The following RIMS2 variants were observed in gnomAD, a reference collection of about 807,000 sequenced individuals.
RIMS2 encodes regulating synaptic membrane exocytosis protein 2.
A neutral mutation model predicts 174.4 loss-of-function variants in RIMS2; 59 were observed. The ratio of observed to expected loss-of-function variants is 0.34; its 90% CI spans 0.27 to 0.42. RIMS2 has a LOEUF of 0.42. Ranked by LOEUF, RIMS2 falls within the 10% of genes least tolerant of loss-of-function variation. The probability of loss-of-function intolerance (pLI) is 1.00; values close to 1 mark genes in which losing one functional copy is unlikely to be tolerated. For missense variants in RIMS2, 1,620 were observed against 1,666.3 expected, an observed-to-expected ratio of 0.97 and a Z score of 0.48; for synonymous variants, 606 against 572.5, an observed-to-expected ratio of 1.06 and a Z score of -0.84.
At chr8:104,032,725 ATAATGT>A (rs1365880458) in intron 19 of RIMS2, among the ~76,000 whole-genome samples, 2 of 152,044 alleles carry the variant, frequency 1.3e-5, no homozygotes, top group Non-Finnish European at 1.5e-5. Flanking sequence ...GTCTGTAGTA[ATAATGT>A]TAAAGTATTT....
At chr8:103,973,372 T>C (rs2093099897) in intron 15 of RIMS2, among the ~76,000 whole-genome samples, 2 of 152,136 alleles carry the variant, frequency 1.3e-5, no homozygotes, top group African/African-American at 4.8e-5. Context: ...AATCATGGAC[T>C]AAAAACAGCA....
At chr8:103,643,794 G>C (rs1456534300) in intron 1 of RIMS2, among the ~76,000 whole-genome samples, 2 of 151,816 alleles carry the variant, frequency 1.3e-5, no homozygotes, top group East Asian at 3.9e-4. Context: ...TTAGGCCTCA[G>C]TCTGTCAATG....
chr8:103,687,996 T>C (rs1424250420), intron 1 of RIMS2, among the ~76,000 whole-genome samples: 1 of 152,180 alleles, frequency 6.6e-6, no homozygotes, highest in Non-Finnish European at 1.5e-5. Context: ...CTCTTCAACA[T>C]ACTGGAGTCT....
chr8:103,680,254 G>GATTGATA (rs1236825382), intron 1 of RIMS2, among the ~76,000 whole-genome samples: 1 of 152,038 alleles, frequency 6.6e-6, no homozygotes, highest in Non-Finnish European at 1.5e-5. Flanking sequence ...GTATATGATA[G>GATTGATA]ATTGATATCA....
At chr8:103,591,838 C>T (rs1482143050) in intron 1 of RIMS2, among the ~76,000 whole-genome samples, 1 of 151,130 alleles carries the variant, frequency 6.6e-6, no homozygotes, top group African/African-American at 2.4e-5. Context: ...GTTTAAACCT[C>T]TTACCTTTTT....
intron 1 of RIMS2, among the ~76,000 whole-genome samples, chr8:103,506,163 A>T (rs898961079): frequency 3.9e-5 from 6 of 152,136 alleles, no homozygotes; most frequent in African/African-American, 1.4e-4. Flanking sequence ...AAGGATTCAA[A>T]ATGCATTCTA....
intron 10 of RIMS2, among the ~76,000 whole-genome samples, chr8:103,923,321 T>C (rs996110234): frequency 6.6e-6 from 1 of 151,636 alleles, no homozygotes; most frequent in Non-Finnish European, 1.5e-5. Context: ...ATAGTTTGCT[T>C]GAGTTGGTAA....
At chr8:103,979,792 G>T (rs2093740276) in intron 16 of RIMS2, among the ~76,000 whole-genome samples, 1 of 152,198 alleles carries the variant, frequency 6.6e-6, no homozygotes, top group Non-Finnish European at 1.5e-5. Flanking sequence ...AGAGCGCAGT[G>T]ACTGGGGAAC....
At chr8:104,104,199 G>C (rs976596240) in intron 19 of RIMS2, among the ~76,000 whole-genome samples, 4 of 152,134 alleles carry the variant, frequency 2.6e-5, no homozygotes, top group Admixed American at 6.6e-5. Context: ...AGTTGAGTTG[G>C]GGGTTTGAAG....
intron 19 of RIMS2, among the ~76,000 whole-genome samples, chr8:104,104,006 T>C (rs1484785945): frequency 2.6e-5 from 4 of 151,850 alleles, no homozygotes; most frequent in African/African-American, 7.3e-5. Context: ...CCTACTAGAG[T>C]AAGAACCTGA....
chr8:103,820,235 C>T (rs980940390), intron 3 of RIMS2, among the ~76,000 whole-genome samples: 1 of 152,014 alleles, frequency 6.6e-6, no homozygotes, highest in Non-Finnish European at 1.5e-5. Flanking sequence ...ATGAACATAT[C>T]TCTCAGATGG....
chr8:103,560,991 A>C (rs10102523), intron 1 of RIMS2, among the ~76,000 whole-genome samples: 27,694 of 152,074 alleles, frequency 0.18, 2,765 homozygotes, highest in African/African-American at 0.26. Context: ...ATTTGTAAGC[A>C]TTTTTTAGAG....
At chr8:104,007,766 T>C (rs752690477) in intron 17 of RIMS2, among the ~76,000 whole-genome samples, 1 of 152,158 alleles carries the variant, frequency 6.6e-6, no homozygotes, top group Non-Finnish European at 1.5e-5. Flanking sequence ...ATATGATCAG[T>C]AATGACTGAG....
At chr8:104,055,412 A>G (rs1356557335) in intron 19 of RIMS2, among the ~76,000 whole-genome samples, 1 of 152,172 alleles carries the variant, frequency 6.6e-6, no homozygotes, top group Non-Finnish European at 1.5e-5. Context: ...TAATGTGGGT[A>G]TTTAGCAATC....
At chr8:103,654,859 G>A (rs2096505207) in intron 1 of RIMS2, among the ~76,000 whole-genome samples, 1 of 151,784 alleles carries the variant, frequency 6.6e-6, no homozygotes, top group African/African-American at 2.4e-5. Context: ...CATATTTTGT[G>A]CAAATACTTT....
At chr8:103,544,056 A>T (rs535836677) in intron 1 of RIMS2, among the ~76,000 whole-genome samples, 42 of 147,164 alleles carry the variant, frequency 2.9e-4, no homozygotes, top group Admixed American at 6.0e-4. Context: ...ATATTTGCAG[A>T]CCATACATCT....
In RIMS2 at chr8:103,567,330, C is replaced by T. The variant is rs147083974; in HGVS notation, c.176+66268C>T. Among the ~76,000 whole-genome samples, 3 of 152,278 alleles carry T rather than the reference C, an allele frequency of 2.0e-5. 1 individual carries two copies. The highest frequency in any genetic ancestry group is 4.1e-4 in the South Asian group (2 of 4,830). On this transcript the variant is annotated intron_variant, in intron 1 of 23. Transcript: ENST00000504942. ...CACTCACGCCCCATTATTCCCTCAT[C>T]CCAGCCACCAATCTGGCAACCACTA...
chr8:103,563,820 A>T (rs1056144774), intron 1 of RIMS2, among the ~76,000 whole-genome samples: 1 of 152,234 alleles, frequency 6.6e-6, no homozygotes, highest in African/African-American at 2.4e-5. Context: ...ATCATGGCAG[A>T]AGGCAAGGAG....
chr8:103,688,486 GTTGAATTCAGT>G (rs2096970149), intron 1 of RIMS2, among the ~76,000 whole-genome samples: 1 of 152,034 alleles, frequency 6.6e-6, no homozygotes, highest in African/African-American at 2.4e-5. Context: ...TATATGTGCA[GTTGAATTCAGT>G]TTGCTAGTAT....
Sources: allele counts gnomAD v4.1 joint callset (sites outside exome capture counted in the v4.1 genomes callset), GRCh38; gene constraint gnomAD v4.1.1; transcripts MANE v1.5; gene names NCBI Gene and HGNC (gene_info 2026-07-23, HGNC 2026-07-21).